ABCC9: variants seen among roughly 807,000 people sequenced by gnomAD.
The protein encoded by ABCC9 is ATP-binding cassette sub-family C member 9.
Under a neutral mutation model 188.3 loss-of-function variants are expected in ABCC9, and 95 were observed. That is an observed-to-expected ratio of 0.50 (90% CI 0.43 to 0.60). ABCC9 has a LOEUF of 0.60. ABCC9 is among the 20% of genes least tolerant of loss of function. The pLI, the probability that ABCC9 is intolerant of heterozygous loss-of-function variation, is 0.00. For missense variants in ABCC9, 1,102 were observed against 1,876.3 expected, an observed-to-expected ratio of 0.59 and a Z score of 7.62; for synonymous variants, 659 against 652.7, an observed-to-expected ratio of 1.01 and a Z score of -0.15.
At chr12:21,895,556 GA>G (rs1008246078) in intron 12 of ABCC9, among the ~76,000 whole-genome samples, 1 of 151,950 alleles carries the variant, frequency 6.6e-6, no homozygotes. Flanking sequence ...TTTTTCTTAT[GA>G]AATGTTACAA....
intron 12 of ABCC9, among the ~76,000 whole-genome samples, chr12:21,902,365 C>A (rs996119701): frequency 3.3e-5 from 5 of 152,064 alleles, no homozygotes; most frequent in African/African-American, 4.8e-5. Flanking sequence ...AAAACGGACA[C>A]CCTAACATCA....
chr12:21,893,537 C>T (rs1490054810), intron 14 of ABCC9, among the ~76,000 whole-genome samples: 1 of 152,130 alleles, frequency 6.6e-6, no homozygotes, highest in Non-Finnish European at 1.5e-5. Flanking sequence ...ACATATTCAT[C>T]AAGGACCTCA....
intron 5 of ABCC9, among the ~76,000 whole-genome samples, chr12:21,920,839 T>A (rs923908606): frequency 2.6e-5 from 4 of 152,018 alleles, no homozygotes; most frequent in African/African-American, 4.8e-5. Context: ...TCTGTGCCTG[T>A]CTTATTTCAC....
chr12:21,865,536 C>T (rs1340664771), intron 18 of ABCC9, among the ~76,000 whole-genome samples: 2 of 152,078 alleles, frequency 1.3e-5, no homozygotes. Flanking sequence ...TGGTATAAAT[C>T]CAATGGGTGA....
chr12:21,892,283 CA>C (rs1470541977), intron 14 of ABCC9, among the ~76,000 whole-genome samples: 1 of 152,052 alleles, frequency 6.6e-6, no homozygotes. Context: ...TTAATCAAGT[CA>C]AAGTCCTTTT....
At chr12:21,871,930 T>G (rs1272877701) in intron 18 of ABCC9, among the ~76,000 whole-genome samples, 1 of 152,226 alleles carries the variant, frequency 6.6e-6, no homozygotes, top group Non-Finnish European at 1.5e-5. Context: ...GTCTACTAAG[T>G]AGGCCAAACT....
At chr12:21,865,145 T>G (rs1382685017) in intron 18 of ABCC9, among the ~76,000 whole-genome samples, 1 of 152,142 alleles carries the variant, frequency 6.6e-6, no homozygotes, top group Non-Finnish European at 1.5e-5. Flanking sequence ...TAGGGTCAGT[T>G]GAATTCAATA....
intron 2 of ABCC9, among the ~76,000 whole-genome samples, chr12:21,940,409 C>A (rs2138101997): frequency 6.6e-6 from 1 of 152,264 alleles, no homozygotes; most frequent in African/African-American, 2.4e-5. Context: ...ATGCTGTAAT[C>A]ACTTCTTTGA....
chr12:21,885,471 A>G (rs947517946), intron 15 of ABCC9, among the ~76,000 whole-genome samples: 3 of 152,114 alleles, frequency 2.0e-5, no homozygotes, highest in African/African-American at 7.2e-5. Flanking sequence ...CCCTAACTCC[A>G]TGAACTTGAC....
intron 31 of ABCC9, among the ~76,000 whole-genome samples, chr12:21,825,711 G>A (rs901558043): frequency 6.6e-5 from 10 of 152,062 alleles, no homozygotes; most frequent in Non-Finnish European, 1.0e-4. Context: ...GTTGATGGGT[G>A]CAGCAAACCA....
At chr12:21,804,913 G>A (rs1172563476) in intron 39 of ABCC9, among the ~76,000 whole-genome samples, 1 of 152,176 alleles carries the variant, frequency 6.6e-6, no homozygotes, top group African/African-American at 2.4e-5. Context: ...TTGGTCCTTA[G>A]AATAAGAGGT....
At position 21,845,743 on chromosome 12, in the gene ABCC9, G is replaced by C; in HGVS notation, c.2956C>G (p.Leu986Val). 2.5e-6 allele frequency: 4 copies of C among 1,613,898 alleles called. No individual in the cohort carries two copies. The South Asian group carries it at 4.4e-5, about 18-fold the overall frequency. Residue 986 changes from leucine to valine, a missense_variant, in exon 26 of 40, where the codon CTG becomes GTG. Physicochemically the swap from Leu to Val is conservative, Grantham distance 32 (BLOSUM62 1). Coordinates refer to ENST00000261200, the MANE Select transcript of ABCC9 (RefSeq NM_020297.4). ...KMPWKTCWRY[L>V]TSGGFFLLIL... is the part of the protein sequence containing the mutation. Reference sequence around the variant, plus strand: ...AGCAGGAAGAATCCTCCAGATGTCAGGTAGCGCCAGCAGGTTTTCCATGGC... The same window carrying C: ...AGCAGGAAGAATCCTCCAGATGTCACGTAGCGCCAGCAGGTTTTCCATGGC...
chr12:21,885,767 A>T (rs544865829), intron 15 of ABCC9, among the ~76,000 whole-genome samples: 1 of 152,186 alleles, frequency 6.6e-6, no homozygotes, highest in Non-Finnish European at 1.5e-5. Context: ...CAGTAAAACA[A>T]CTTAACAGAA....
chr12:21,918,382 C>G (rs189519733), intron 5 of ABCC9, among the ~76,000 whole-genome samples: 7 of 152,144 alleles, frequency 4.6e-5, no homozygotes, highest in African/African-American at 1.7e-4. Context: ...CTTCTAACAT[C>G]TTCAGATTGT....
chr12:21,894,846 A>G (rs972581890), intron 13 of ABCC9, among the ~76,000 whole-genome samples: 1 of 152,232 alleles, frequency 6.6e-6, no homozygotes, highest in Admixed American at 6.5e-5. Context: ...GCAATTATTT[A>G]AGATTTTCTG....
At chr12:21,868,367 C>T (rs1265206996) in intron 18 of ABCC9, among the ~76,000 whole-genome samples, 4 of 152,108 alleles carry the variant, frequency 2.6e-5, no homozygotes, top group Admixed American at 6.5e-5. Flanking sequence ...TGGCCGGGCA[C>T]GGTGGCTCAC....
At chr12:21,812,002 A>G (rs1352013160) in intron 36 of ABCC9, 47 bp downstream of exon 36, 2 of 1,372,508 alleles carry the variant, frequency 1.5e-6, no homozygotes, top group Non-Finnish European at 2.1e-6. Flanking sequence ...CTATGAGTCA[A>G]AGGCTAAATC....
intron 35 of ABCC9, among the ~76,000 whole-genome samples, chr12:21,812,792 T>C (rs571382959): frequency 1.7e-4 from 26 of 152,254 alleles, no homozygotes; most frequent in African/African-American, 6.0e-4. Flanking sequence ...GGCACATGTA[T>C]ACCTATGTAA....
chr12:21,813,167 A>C (rs1015850451), intron 35 of ABCC9, among the ~76,000 whole-genome samples: 1 of 152,218 alleles, frequency 6.6e-6, no homozygotes, highest in African/African-American at 2.4e-5. Context: ...TTGATTTAAT[A>C]ATACAATGCA....
Sources: gnomAD v4.1 joint callset for allele counts (sites outside exome capture counted in the v4.1 genomes callset) on GRCh38, gnomAD v4.1.1 for gene constraint, MANE v1.5 for transcripts, NCBI Gene and HGNC (gene_info 2026-07-23, HGNC 2026-07-21) for gene names.